Variants in MTMR6 observed in about 807,000 individuals in gnomAD.
The protein encoded by MTMR6 is myotubularin related protein 6.
A neutral mutation model predicts 80.1 loss-of-function variants in MTMR6; 47 were observed. The observed-to-expected ratio is 0.59, with a 90% CI of 0.46 to 0.75. The LOEUF is 0.75. Among genes scored for constraint, MTMR6 ranks in the 30% least tolerant of loss-of-function variants. The pLI is 0.00. For synonymous variants in MTMR6, 254 were observed against 253.0 expected (o/e 1.00, Z -0.04); for missense variants, 629 against 730.9 (o/e 0.86, Z 1.61).
At chr13:25,278,490 G>A (rs1372457802) in intron 1 of MTMR6, among the ~76,000 whole-genome samples, 2 of 152,160 alleles carry the variant, frequency 1.3e-5, no homozygotes, top group South Asian at 2.1e-4. Flanking sequence ...GGAGGCCAAG[G>A]AGGGTGGATC....
At chr13:25,252,821 T>G (rs1233929494) in intron 11 of MTMR6, among the ~76,000 whole-genome samples, 1 of 152,228 alleles carries the variant, frequency 6.6e-6, no homozygotes, top group African/African-American at 2.4e-5. Context: ...TCTTTGATTG[T>G]TCATCTCCAC....
rs117792500 is a variant in MTMR6 at position 25,251,453 on chromosome 13, C to T, written c.1605+196G>A. Among the ~76,000 whole-genome samples, 761 of 152,246 alleles carry T rather than the reference C, an allele frequency of 5.0e-3. 34 individuals are homozygous for T. The East Asian group carries it at 0.093, about 19-fold the overall frequency. On this transcript the variant is annotated intron_variant, in intron 13 of 13. Coordinates refer to ENST00000381801, the MANE Select transcript of MTMR6 (RefSeq NM_004685.5). The surrounding 1 kb of genome is among the most constrained non-coding windows in gnomAD (Gnocchi z 4.1). ...ATCTATACGTTATGCTATATACTTC[C>T]GGTATTTTAATGTATTTTAAAATAC... is the stretch of plus-strand genomic sequence containing the variant.
chr13:25,257,961 C>T, intron 7 of MTMR6, 116 bp from the exon 8 acceptor site: 1 of 593,564 alleles, frequency 1.7e-6, no homozygotes, highest in Admixed American at 3.8e-5. Context: ...ACAGGCAAGA[C>T]TCTATAAATG....
intron 13 of MTMR6, among the ~76,000 whole-genome samples, chr13:25,250,179 G>A (rs1000697624): frequency 4.6e-5 from 7 of 152,084 alleles, no homozygotes; most frequent in African/African-American, 1.7e-4. Flanking sequence ...CAGTCTTACT[G>A]TTATAACTGT....
intron 11 of MTMR6, among the ~76,000 whole-genome samples, 185 bp downstream of exon 11, chr13:25,253,579 C>T (rs564936605): frequency 5.8e-4 from 89 of 152,272 alleles, no homozygotes; most frequent in Non-Finnish European, 1.0e-3. Context: ...TTATAATGTG[C>T]TTTTACTATT....
In MTMR6 at chr13:25,265,873, C is replaced by G; in HGVS notation, c.537G>C (p.Lys179Asn). The G allele has an allele frequency of 6.2e-7, 1 of 1,614,082 alleles. No homozygotes were observed. The highest frequency in any genetic ancestry group is 8.5e-7 in the Non-Finnish European group (1 of 1,179,950). The change falls in exon 5 of 14, where the codon AAG (lysine) becomes AAC (asparagine). Residue 179 changes from lysine to asparagine, a missense_variant. Physicochemically the swap from Lys to Asn is moderately conservative, Grantham distance 94. Transcript: ENST00000381801. ...ASKPIIVGSS[K>N]FRSKGRFPVL... ...CTGGGAATCTTCCCTTGCTCCGGAACTTGGAACTACCAACAATTATTGGTT... is the reference window on the plus strand; with the variant it reads ...CTGGGAATCTTCCCTTGCTCCGGAAGTTGGAACTACCAACAATTATTGGTT...
In MTMR6 at chr13:25,248,457, A is replaced by C. The variant is rs1161538165; in HGVS notation, c.*775T>G. The C allele has an allele frequency of 6.6e-6, 1 of 152,172 alleles. No individual in the cohort carries two copies. The highest frequency in any genetic ancestry group is 1.5e-5 in the Non-Finnish European group (1 of 67,998). The allele number at this position is 152,172 out of a possible 1,614,324, so 9.4% of individuals were successfully genotyped here. Reference sequence around the variant, plus strand: ...CAAATGTGCTTATACGTATTCAAGAAATCAATATTCTAAGCTGTAAATAAT... The same window carrying C: ...CAAATGTGCTTATACGTATTCAAGACATCAATATTCTAAGCTGTAAATAAT... On this transcript the variant is annotated 3_prime_UTR_variant, in exon 14 of 14. Coordinates refer to ENST00000381801, the MANE Select transcript of MTMR6 (RefSeq NM_004685.5).
intron 1 of MTMR6, among the ~76,000 whole-genome samples, chr13:25,275,856 C>T (rs1441665381): frequency 9.0e-6 from 1 of 111,114 alleles, no homozygotes; most frequent in Non-Finnish European, 1.7e-5. Flanking sequence ...AGCGAAACTC[C>T]GTCTCAAAAA....
At chr13:25,257,451 T>A (rs1957237425) in intron 8 of MTMR6, 130 bp from the exon 9 acceptor site, 1 of 1,128,918 alleles carries the variant, frequency 8.9e-7, no homozygotes, top group Non-Finnish European at 1.2e-6. Context: ...CACAGCATAA[T>A]TTCCAAAATA....
chr13:25,255,876 G>A (rs1957196157), intron 9 of MTMR6, among the ~76,000 whole-genome samples: 1 of 152,068 alleles, frequency 6.6e-6, no homozygotes, highest in Non-Finnish European at 1.5e-5. Flanking sequence ...CTTCACTTGT[G>A]TGTTACTATT....
At chr13:25,255,488 A>G (rs1957181444) in intron 9 of MTMR6, among the ~76,000 whole-genome samples, 1 of 152,094 alleles carries the variant, frequency 6.6e-6, no homozygotes. Context: ...CCTCTCTTCT[A>G]TCCCACATCC....
intron 3 of MTMR6, among the ~76,000 whole-genome samples, chr13:25,267,107 G>C (rs34008656): frequency 4.6e-5 from 7 of 152,020 alleles, no homozygotes; most frequent in Non-Finnish European, 1.0e-4. Context: ...AATTAGCCGG[G>C]TGTGGTGGTG....
At chr13:25,266,642 T>C (rs944927752) in intron 3 of MTMR6, among the ~76,000 whole-genome samples, 1 of 152,232 alleles carries the variant, frequency 6.6e-6, no homozygotes, top group Non-Finnish European at 1.5e-5. Flanking sequence ...AATAGACTAA[T>C]GTTATAATGA....
At chr13:25,256,843 AG>A (rs1212780050) in intron 9 of MTMR6, among the ~76,000 whole-genome samples, 1 of 152,200 alleles carries the variant, frequency 6.6e-6, no homozygotes, top group African/African-American at 2.4e-5. Context: ...GATAAAAATG[AG>A]GGAGAAAATA....
chr13:25,263,652 C>T lies in MTMR6; in HGVS notation c.592-1850G>A, dbSNP rs140903792. Among the ~76,000 whole-genome samples, 957 of 152,210 alleles carry T rather than the reference C, an allele frequency of 6.3e-3. 16 individuals carry two copies. The highest frequency in any genetic ancestry group is 0.022 in the African/African-American group (908 of 41,526). On this transcript the variant is annotated intron_variant, in intron 5 of 13. Transcript: ENST00000381801. Reference sequence around the variant, plus strand: ...CTGCAATCCCAGCACTTTGGGAGGCCGAGGCCGGTGGATCACCTGAGGTCA... The same window carrying T: ...CTGCAATCCCAGCACTTTGGGAGGCTGAGGCCGGTGGATCACCTGAGGTCA...
intron 1 of MTMR6, among the ~76,000 whole-genome samples, chr13:25,281,677 G>A (rs1341088456): frequency 3.3e-5 from 5 of 152,090 alleles, no homozygotes; most frequent in Non-Finnish European, 5.9e-5. Context: ...CTGGCTTGTC[G>A]CACTCCTTCC....
Position 25,287,272 on chromosome 13 carries a change from C to G in MTMR6, c.-25G>C, listed in dbSNP as rs768275442. On this transcript the variant is annotated 5_prime_UTR_variant, in exon 1 of 14. Coordinates refer to ENST00000381801, the MANE Select transcript of MTMR6 (RefSeq NM_004685.5). Reference sequence around the variant, plus strand: ...TCGCAAGGAGACGTCAGCCGGCAGCCGGTCTCACAGGCGTACCATACGGCT... The same window carrying G: ...TCGCAAGGAGACGTCAGCCGGCAGCGGGTCTCACAGGCGTACCATACGGCT... The G allele has an allele frequency of 3.1e-6, 5 of 1,588,076 alleles. No homozygotes were observed. The highest frequency in any genetic ancestry group is 4.3e-6 in the Non-Finnish European group (5 of 1,169,984).
intron 9 of MTMR6, among the ~76,000 whole-genome samples, chr13:25,254,659 A>T (rs1242490394): frequency 6.6e-6 from 1 of 152,198 alleles, no homozygotes; most frequent in Admixed American, 6.5e-5. Context: ...CGTGACTTAA[A>T]TTATTTCCGT....
At chr13:25,257,155 T>G (rs1957227035) in intron 9 of MTMR6, 41 bp downstream of exon 9, 2 of 1,574,454 alleles carry the variant, frequency 1.3e-6, no homozygotes, top group African/African-American at 2.7e-5. Context: ...ATAAAATTAC[T>G]CCTACTTAAG....
Sources: gnomAD v4.1 joint callset for allele counts (sites outside exome capture counted in the v4.1 genomes callset) on GRCh38, gnomAD v4.1.1 for gene constraint, Gnocchi (gnomAD v3.1) non-coding constraint, MANE v1.5 for transcripts, NCBI Gene and HGNC (gene_info 2026-07-23, HGNC 2026-07-21) for gene names.